Variants in MCCC2 observed in about 807,000 individuals in gnomAD.
The protein encoded by MCCC2 is methylcrotonoyl-CoA carboxylase beta chain, mitochondrial.
Under a neutral mutation model 77.2 loss-of-function variants are expected in MCCC2, and 52 were observed. The ratio of observed to expected loss-of-function variants is 0.67; its 90% CI spans 0.54 to 0.85. MCCC2 has a LOEUF of 0.85. MCCC2 is among the 40% of genes least tolerant of loss of function. MCCC2 has a pLI of 0.00. For synonymous variants in MCCC2, 253 were observed against 248.4 expected (o/e 1.02, Z -0.18); for missense variants, 682 against 703.2 (o/e 0.97, Z 0.34).
At chr5:71,645,201 C>T (rs1157359896) in intron 12 of MCCC2, among the ~76,000 whole-genome samples, 1 of 152,146 alleles carries the variant, frequency 6.6e-6, no homozygotes, top group East Asian at 1.9e-4. Context: ...TGTTTGGCCT[C>T]AGCCTGACGT....
At chr5:71,641,202 C>T (rs1747113482) in intron 11 of MCCC2, 127 bp downstream of exon 11, 5 of 819,694 alleles carry the variant, frequency 6.1e-6, no homozygotes. Flanking sequence ...ATGTGTGAGC[C>T]ACTTTTAAAA....
At chr5:71,626,314 C>T (rs1453190350) in intron 6 of MCCC2, among the ~76,000 whole-genome samples, 1 of 152,144 alleles carries the variant, frequency 6.6e-6, no homozygotes, top group Non-Finnish European at 1.5e-5. Context: ...CCTTTTAATA[C>T]AGTTTTGCAA....
intron 16 of MCCC2, among the ~76,000 whole-genome samples, chr5:71,654,111 C>T (rs949632293): frequency 3.3e-5 from 5 of 152,108 alleles, no homozygotes; most frequent in Admixed American, 6.5e-5. Flanking sequence ...AATCCTCTTG[C>T]GTCGGCCTCC....
chr5:71,648,267 C>T (rs1175818662), intron 13 of MCCC2, among the ~76,000 whole-genome samples: 3 of 152,120 alleles, frequency 2.0e-5, no homozygotes, highest in Non-Finnish European at 2.9e-5. Context: ...GAAGAAATGC[C>T]TTTGCTGGAG....
chr5:71,647,010 T>C (rs1747291257), intron 13 of MCCC2, among the ~76,000 whole-genome samples: 2 of 152,216 alleles, frequency 1.3e-5, no homozygotes, highest in Admixed American at 1.3e-4. Flanking sequence ...CTCTCTGGAC[T>C]TTACTCCAGA....
intron 6 of MCCC2, among the ~76,000 whole-genome samples, chr5:71,615,922 A>G (rs890600471): frequency 6.6e-6 from 1 of 152,174 alleles, no homozygotes; most frequent in East Asian, 1.9e-4. Context: ...GTCACCAGAA[A>G]GACCAAGCCA....
chr5:71,587,375 G>A lies in MCCC2; in HGVS notation c.-51G>A. ...CCAGCCAGGGAAGCGGCAGGGGAAA[G>A]CACCGGCTCCAGGCCAGCGTGGGCC... is the stretch of plus-strand genomic sequence containing the variant. On this transcript the variant is annotated 5_prime_UTR_variant, in exon 1 of 17. Coordinates refer to ENST00000340941, the MANE Select transcript of MCCC2 (RefSeq NM_022132.5). The A allele has an allele frequency of 6.6e-7, 1 of 1,525,706 alleles. No individual in the cohort carries two copies. 94.5% of individuals were successfully genotyped at this position (1,525,706 alleles called of 1,614,324 possible).
Position 71,646,240 on chromosome 5 carries a change from A to C in MCCC2, c.1179A>C (p.Gln393His), listed in dbSNP as rs1383864998. 1 of 1,613,922 alleles carries C rather than the reference A, an allele frequency of 6.2e-7. No homozygotes were observed. The highest frequency in any genetic ancestry group is 2.2e-5 in the East Asian group (1 of 44,872). Reference protein sequence around the residue: ...KGTHFVQLCCQRNIPLLFLQN... With the variant: ...KGTHFVQLCCHRNIPLLFLQN... Reference sequence around the variant, plus strand: ...CTCACTTTGTCCAGTTATGCTGCCAAAGAAATATTCCTCTGCTGTTCCTTC... The same window carrying C: ...CTCACTTTGTCCAGTTATGCTGCCACAGAAATATTCCTCTGCTGTTCCTTC... Residue 393 changes from glutamine to histidine, a missense_variant, in exon 13 of 17, where the codon CAA becomes CAC. Transcript: ENST00000340941.
Position 71,635,151 on chromosome 5 carries a change from G to A in MCCC2, c.904G>A (p.Val302Ile). ...RNLNYQKKLD[V>I]TIEPSEEPLF... ...GTTAACATGATCTATATTTCTGCAG[G>A]TCACCATTGAACCTTCTGAAGAGCC... The change falls in exon 10 of 17, where the codon GTC becomes ATC. Residue 302 changes from valine (V) to isoleucine (I), a missense_variant and splice_region_variant. By Grantham distance (29) the Val-to-Ile change is conservative. Coordinates refer to ENST00000340941, the MANE Select transcript of MCCC2 (RefSeq NM_022132.5). The A allele has an allele frequency of 6.2e-7, 1 of 1,614,068 alleles. No homozygotes were observed.
intron 8 of MCCC2, 105 bp from the exon 9 acceptor site, chr5:71,634,838 G>A: frequency 2.0e-6 from 2 of 1,015,174 alleles, no homozygotes; most frequent in Non-Finnish European, 3.0e-6. Context: ...TGTTTTAGAA[G>A]TAAAAGTGCT....
rs1745347309 is a variant in MCCC2, at chr5:71,599,717, G to A, written c.340G>A (p.Val114Met). 8.1e-6 allele frequency: 13 copies of A among 1,614,008 alleles called. No individual in the cohort carries two copies. The highest frequency in any genetic ancestry group is 1.1e-5 in the Non-Finnish European group (13 of 1,179,972). ...TTACCAGTTATATGACAATGAGGAG[G>A]TGCCAGGAGGTGGCATTATTACAGG... ...AGYQLYDNEE[V>M]PGGGIITGIG... is the part of the protein sequence containing the mutation. The change falls in exon 4 of 17, where the codon GTG (valine) becomes ATG (methionine). Residue 114 changes from valine (V) to methionine (M), a missense_variant. Coordinates refer to ENST00000340941, the MANE Select transcript of MCCC2 (RefSeq NM_022132.5).
intron 1 of MCCC2, among the ~76,000 whole-genome samples, chr5:71,591,041 G>T (rs1744956475): frequency 6.6e-6 from 1 of 152,062 alleles, no homozygotes; most frequent in Non-Finnish European, 1.5e-5. Context: ...TTATTTTCTG[G>T]ATTTTGCAGA....
At chr5:71,602,789 T>G in intron 5 of MCCC2, 156 bp downstream of exon 5, 2 of 1,096,998 alleles carry the variant, frequency 1.8e-6, no homozygotes, top group East Asian at 2.6e-5. Context: ...CTGAAAACTC[T>G]GGGGGAAAGT....
At chr5:71,615,099 A>G (rs1016176731) in intron 6 of MCCC2, among the ~76,000 whole-genome samples, 1 of 152,012 alleles carries the variant, frequency 6.6e-6, no homozygotes, top group Non-Finnish European at 1.5e-5. Flanking sequence ...CCCTAGTAGC[A>G]GGGACTACAG....
chr5:71,596,298 G>A lies in MCCC2; in HGVS notation c.215G>A (p.Arg72Gln), dbSNP rs116894048. 8.1e-6 allele frequency: 13 copies of A among 1,613,982 alleles called. No homozygotes were observed. The highest frequency in any genetic ancestry group is 4.5e-5 in the East Asian group (2 of 44,872). The change falls in exon 3 of 17, where the codon CGA becomes CAA. Residue 72 changes from arginine to glutamine, a missense_variant. By Grantham distance (43) the Arg-to-Gln change is conservative. Coordinates refer to ENST00000340941, the MANE Select transcript of MCCC2 (RefSeq NM_022132.5). ...HIKLGGGEKARALHISRGKLL... is the reference protein window; with the variant it reads ...HIKLGGGEKAQALHISRGKLL... Reference sequence around the variant, plus strand: ...ATCATAGGAGGTGGTGAGAAAGCCCGAGCACTTCACATATCAAGAGGAAAA... The same window carrying A: ...ATCATAGGAGGTGGTGAGAAAGCCCAAGCACTTCACATATCAAGAGGAAAA...
intron 8 of MCCC2, among the ~76,000 whole-genome samples, chr5:71,634,372 T>G (rs1746844370): frequency 6.6e-6 from 1 of 152,218 alleles, no homozygotes; most frequent in Non-Finnish European, 1.5e-5. Flanking sequence ...CAAGGGCCAA[T>G]GTATTCAAGC....
At chr5:71,649,397 G>A (rs760823090) in intron 14 of MCCC2, 144 bp downstream of exon 14, 2 of 832,602 alleles carry the variant, frequency 2.4e-6, no homozygotes, top group Non-Finnish European at 3.8e-6. Context: ...ATTTGGAGGG[G>A]TGAAATGAAA....
In MCCC2 at chr5:71,655,152, C is replaced by A. The variant is rs572911788; in HGVS notation, c.1575-1591C>A. On this transcript the variant is annotated intron_variant, in intron 16 of 16. Transcript: ENST00000340941. ...CCTGGCCAGATCTGTAGATGTTTAA[C>A]CCTTCTGTTGAAACAGCTGGTGGCA... is the stretch of plus-strand genomic sequence containing the variant. 2.0e-5 allele frequency among the ~76,000 whole-genome samples: 3 copies of A among 152,234 alleles called. No individual in the cohort carries two copies. The East Asian group carries it at 5.8e-4, about 29-fold the overall frequency.
chr5:71,639,289 G>A (rs1747039714), intron 10 of MCCC2, among the ~76,000 whole-genome samples: 1 of 152,190 alleles, frequency 6.6e-6, no homozygotes, highest in Non-Finnish European at 1.5e-5. Context: ...GTTGTTTAAT[G>A]TAGCCACCTT....
Sources: allele counts gnomAD v4.1 joint callset (sites outside exome capture counted in the v4.1 genomes callset), GRCh38; gene constraint gnomAD v4.1.1; transcripts MANE v1.5; gene names NCBI Gene and HGNC (gene_info 2026-07-23, HGNC 2026-07-21).